The following CNTNAP2 variants were observed in gnomAD, a reference collection of about 807,000 sequenced individuals.
CNTNAP2 encodes the protein contactin associated protein 2, also known as contactin-associated protein-like 2.
In CNTNAP2, 98 loss-of-function variants were observed where a neutral mutation model predicts 155.2. That is an observed-to-expected ratio of 0.63 (90% CI 0.54 to 0.75). The LOEUF (loss-of-function observed/expected upper bound fraction) is 0.75. Ranked by LOEUF, CNTNAP2 falls within the 30% of genes least tolerant of loss-of-function variation. The pLI is 0.00. For synonymous variants in CNTNAP2, 651 were observed against 631.2 expected (o/e 1.03, Z -0.47); for missense variants, 1,727 against 1,688.1 (o/e 1.02, Z -0.40).
chr7:147,349,834 A>G (rs1795939814), intron 9 of CNTNAP2, among the ~76,000 whole-genome samples: 1 of 151,928 alleles, frequency 6.6e-6, no homozygotes, highest in Admixed American at 6.6e-5. Flanking sequence ...CTGAAGATAT[A>G]TGTTGAGAGA....
At chr7:146,378,690 A>T (rs1474443647) in intron 1 of CNTNAP2, among the ~76,000 whole-genome samples, 1 of 152,202 alleles carries the variant, frequency 6.6e-6, no homozygotes, top group Non-Finnish European at 1.5e-5. Context: ...ATGATGGCAT[A>T]CATGTTACAA....
intron 13 of CNTNAP2, among the ~76,000 whole-genome samples, chr7:147,645,125 C>T (rs1297943301): frequency 6.6e-6 from 1 of 152,072 alleles, no homozygotes; most frequent in Admixed American, 6.6e-5. Flanking sequence ...ATTATGCTTA[C>T]AATTTTTGCC....
Position 147,214,165 on chromosome 7 carries a change from G to A in CNTNAP2, c.1348+81656G>A, listed in dbSNP as rs115836664. ...AAACATATAACTTTGAACAATTTGCGTTTACCTTTACCCACTCACATAAAA... is the reference window on the plus strand; with the variant it reads ...AAACATATAACTTTGAACAATTTGCATTTACCTTTACCCACTCACATAAAA... On this transcript the variant is annotated intron_variant, in intron 8 of 23. Coordinates refer to ENST00000361727, the MANE Select transcript of CNTNAP2 (RefSeq NM_014141.6). Among the ~76,000 whole-genome samples the A allele has an allele frequency of 1.7e-3, 264 of 152,144 alleles. 1 individual carries two copies. The highest frequency in any genetic ancestry group is 6.1e-3 in the African/African-American group (253 of 41,486).
chr7:146,312,038 A>G (rs1217810909), intron 1 of CNTNAP2, among the ~76,000 whole-genome samples: 1 of 152,166 alleles, frequency 6.6e-6, no homozygotes, highest in East Asian at 1.9e-4. Flanking sequence ...AGAAGACCGT[A>G]TCATTTCCCC....
chr7:147,464,335 C>T (rs1056619643), intron 10 of CNTNAP2, among the ~76,000 whole-genome samples: 13 of 151,874 alleles, frequency 8.6e-5, no homozygotes, highest in Non-Finnish European at 1.5e-5. Context: ...GGCCTGGTGA[C>T]GCATGCCTGT....
intron 8 of CNTNAP2, among the ~76,000 whole-genome samples, chr7:147,297,456 G>T (rs948935480): frequency 5.9e-5 from 9 of 152,106 alleles, no homozygotes; most frequent in Non-Finnish European, 8.8e-5. Context: ...GAAAAATAAA[G>T]CTCAGAAAAG....
chr7:147,544,130 G>A (rs1188689095), intron 11 of CNTNAP2, among the ~76,000 whole-genome samples: 5 of 152,116 alleles, frequency 3.3e-5, no homozygotes. Flanking sequence ...TATTACCAAA[G>A]CCATCAGAGA....
chr7:146,919,810 A>C (rs956305122), intron 3 of CNTNAP2, among the ~76,000 whole-genome samples: 22 of 152,228 alleles, frequency 1.4e-4, no homozygotes, highest in African/African-American at 5.3e-4. Flanking sequence ...CTGTAGCAGC[A>C]GTCTACCTCT....
chr7:148,213,362 G>A (rs1795581129), intron 18 of CNTNAP2, among the ~76,000 whole-genome samples: 1 of 152,132 alleles, frequency 6.6e-6, no homozygotes, highest in South Asian at 2.1e-4. Context: ...ACTGGAGAGA[G>A]GCTGACAGGT....
intron 2 of CNTNAP2, among the ~76,000 whole-genome samples, chr7:146,830,063 T>C (rs1327387301): frequency 6.6e-6 from 1 of 152,098 alleles, no homozygotes; most frequent in Non-Finnish European, 1.5e-5. Context: ...CTTCTCCCAA[T>C]CTATAGTTAG....
chr7:146,447,239 T>G (rs1277259386), intron 1 of CNTNAP2, among the ~76,000 whole-genome samples: 1 of 151,998 alleles, frequency 6.6e-6, no homozygotes, highest in African/African-American at 2.4e-5. Flanking sequence ...CAATGGAGAG[T>G]GTACGCCACA....
intron 8 of CNTNAP2, among the ~76,000 whole-genome samples, chr7:147,220,667 A>AT (rs1203548627): frequency 6.6e-6 from 1 of 151,996 alleles, no homozygotes; most frequent in Non-Finnish European, 1.5e-5. Context: ...AGCATTTTGT[A>AT]TGATTACGTG....
At chr7:146,324,833 C>T (rs1433323141) in intron 1 of CNTNAP2, among the ~76,000 whole-genome samples, 1 of 151,358 alleles carries the variant, frequency 6.6e-6, no homozygotes, top group Non-Finnish European at 1.5e-5. Context: ...AAAACGAAAA[C>T]GAACTTGAAA....
chr7:146,969,503 G>A (rs182588674), intron 3 of CNTNAP2, among the ~76,000 whole-genome samples: 8 of 151,922 alleles, frequency 5.3e-5, no homozygotes, highest in Non-Finnish European at 1.2e-4. Context: ...TCTTGTATTG[G>A]GTGCATATAT....
At chr7:146,211,928 GAAT>G (rs1013297066) in intron 1 of CNTNAP2, among the ~76,000 whole-genome samples, 1 of 151,950 alleles carries the variant, frequency 6.6e-6, no homozygotes, top group African/African-American at 2.4e-5. Context: ...GAATGACTAT[GAAT>G]AATAATAATT....
intron 15 of CNTNAP2, among the ~76,000 whole-genome samples, chr7:147,989,223 G>A (rs1209157952): frequency 1.3e-5 from 2 of 152,178 alleles, no homozygotes; most frequent in African/African-American, 4.8e-5. Flanking sequence ...GCCACGCTTA[G>A]GCCAGCAACC....
At chr7:147,225,585 A>G (rs1461473375) in intron 8 of CNTNAP2, among the ~76,000 whole-genome samples, 1 of 152,146 alleles carries the variant, frequency 6.6e-6, no homozygotes, top group Non-Finnish European at 1.5e-5. Context: ...AAAAACTTTT[A>G]AAGAACATAT....
intron 1 of CNTNAP2, among the ~76,000 whole-genome samples, chr7:146,339,923 C>T (rs1389245857): frequency 6.6e-6 from 1 of 152,102 alleles, no homozygotes; most frequent in African/African-American, 2.4e-5. Flanking sequence ...CTAATGCCAG[C>T]ACTTTGGGAG....
Position 148,146,829 on chromosome 7 carries a change from C to G in CNTNAP2, c.2555-662C>G, listed in dbSNP as rs200790806. ...GTCATTACACCAACAATAGGTTACC[C>G]TCATTACACCAACAATTCAAGGGTC... On this transcript the variant is annotated intron_variant, in intron 16 of 23. Transcript: ENST00000361727. Among the ~76,000 whole-genome samples the G allele has an allele frequency of 2.8e-4, 42 of 152,258 alleles. No individual in the cohort carries two copies. The Middle Eastern group carries it at 0.01, about 37-fold the overall frequency.
Sources: allele counts gnomAD v4.1 joint callset (sites outside exome capture counted in the v4.1 genomes callset), GRCh38; gene constraint gnomAD v4.1.1; transcripts MANE v1.5; gene names NCBI Gene and HGNC (gene_info 2026-07-23, HGNC 2026-07-21).